The following STMN2 variants were observed in gnomAD, a reference collection of about 807,000 sequenced individuals.
STMN2 encodes stathmin 2.
STMN2 carries 2 observed loss-of-function variants against 24.1 expected under a neutral mutation model. The ratio of observed to expected loss-of-function variants is 0.08; its 90% confidence interval spans 0.03 to 0.26. STMN2 has a LOEUF of 0.26. STMN2 is among the 10% of genes least tolerant of loss of function. The pLI is 1.00. For synonymous variants in STMN2, 83 were observed against 77.5 expected, an observed-to-expected ratio of 1.07 and a Z score of -0.37; for missense variants, 114 against 213.6, an observed-to-expected ratio of 0.53 and a Z score of 2.91.
At chr8:79,641,623 T>TTC in intron 3 of STMN2, 73 bp downstream of exon 3, 12 of 521,012 alleles carry the variant, frequency 2.3e-5, no homozygotes, top group Non-Finnish European at 2.7e-5. Context: ...CGGGCACACA[T>TTC]GCACGCACAC....
chr8:79,637,824 C>T (rs1810001248), intron 2 of STMN2, among the ~76,000 whole-genome samples: 1 of 152,136 alleles, frequency 6.6e-6, no homozygotes, highest in African/African-American at 2.4e-5. Flanking sequence ...TAAAGAAAGA[C>T]ATTAATGACA....
chr8:79,624,453 CAAA>C (rs1011493193), intron 1 of STMN2, among the ~76,000 whole-genome samples: 96 of 45,096 alleles, frequency 2.1e-3, no homozygotes, highest in African/African-American at 5.7e-3. Flanking sequence ...GACTCCGTCT[CAAA>C]AAAAAAAAAA....
intron 1 of STMN2, among the ~76,000 whole-genome samples, chr8:79,629,709 C>A (rs1809753885): frequency 6.6e-6 from 1 of 152,140 alleles, no homozygotes; most frequent in Admixed American, 6.5e-5. Flanking sequence ...AGATATCATT[C>A]ATTTCCTAAG....
chr8:79,648,803 A>G (rs913454864), intron 3 of STMN2, among the ~76,000 whole-genome samples: 2 of 152,154 alleles, frequency 1.3e-5, no homozygotes, highest in East Asian at 1.9e-4. Context: ...ATCAAATTGC[A>G]TAGAAGAAAA....
intron 1 of STMN2, among the ~76,000 whole-genome samples, chr8:79,635,153 G>A (rs935916799): frequency 6.6e-5 from 10 of 152,274 alleles, no homozygotes; most frequent in Non-Finnish European, 1.2e-4. Context: ...AAGTTTACCA[G>A]GGCAGGAGGC....
intron 1 of STMN2, among the ~76,000 whole-genome samples, chr8:79,623,793 AT>A (rs1242424025): frequency 4.6e-5 from 7 of 152,138 alleles, no homozygotes; most frequent in Non-Finnish European, 8.8e-5. Context: ...AAAAAAAAAA[AT>A]AAACTCTAAT....
At chr8:79,644,920 C>T (rs1240972470) in intron 3 of STMN2, among the ~76,000 whole-genome samples, 5 of 152,006 alleles carry the variant, frequency 3.3e-5, no homozygotes, top group African/African-American at 7.3e-5. Flanking sequence ...TTTGGGACGC[C>T]GAGGCAGGTG....
chr8:79,612,609 T>C (rs1276371840), intron 1 of STMN2, among the ~76,000 whole-genome samples: 1 of 152,172 alleles, frequency 6.6e-6, no homozygotes, highest in Non-Finnish European at 1.5e-5. Context: ...CAATTGGTCT[T>C]GTGCCTTGAG....
At chr8:79,624,453 C>CAAAAAAAAAAAA (rs1011493193) in intron 1 of STMN2, among the ~76,000 whole-genome samples, 48 of 44,970 alleles carry the variant, frequency 1.1e-3, no homozygotes, top group Non-Finnish European at 1.2e-3. Flanking sequence ...GACTCCGTCT[C>CAAAAAAAAAAAA]AAAAAAAAAA....
At chr8:79,657,649 C>A (rs1381363529) in intron 4 of STMN2, among the ~76,000 whole-genome samples, 1 of 152,176 alleles carries the variant, frequency 6.6e-6, no homozygotes, top group African/African-American at 2.4e-5. Context: ...TATTTCATAG[C>A]TAATGAGGTG....
At chr8:79,663,207 A>G (rs1806536123) in intron 4 of STMN2, among the ~76,000 whole-genome samples, 2 of 152,178 alleles carry the variant, frequency 1.3e-5, no homozygotes, top group Admixed American at 1.3e-4. Context: ...ACACTTGAAA[A>G]GACACATTTT....
intron 1 of STMN2, 152 bp downstream of exon 1, chr8:79,611,366 G>A: frequency 9.6e-7 from 1 of 1,040,176 alleles, no homozygotes. Context: ...TTCTGGGGGA[G>A]GTGGGAGGGC....
At chr8:79,651,768 A>C (rs1410579675) in intron 3 of STMN2, among the ~76,000 whole-genome samples, 2 of 152,256 alleles carry the variant, frequency 1.3e-5, no homozygotes, top group African/African-American at 4.8e-5. Flanking sequence ...CTGTCTGAAG[A>C]GCAGCAGGCA....
intron 3 of STMN2, 40 bp downstream of exon 3, chr8:79,641,590 C>T (rs1410860518): frequency 6.4e-7 from 1 of 1,571,216 alleles, no homozygotes; most frequent in East Asian, 2.3e-5. Context: ...CTCTCCCTCC[C>T]CTGCTCCTCC....
intron 1 of STMN2, among the ~76,000 whole-genome samples, chr8:79,628,156 T>C (rs891736040): frequency 6.6e-6 from 1 of 151,988 alleles, no homozygotes; most frequent in Admixed American, 6.6e-5. Context: ...GTTTTATTTT[T>C]TTTTATTTTT....
At chr8:79,633,269 A>G (rs1440254050) in intron 1 of STMN2, among the ~76,000 whole-genome samples, 3 of 152,344 alleles carry the variant, frequency 2.0e-5, no homozygotes, top group Non-Finnish European at 4.4e-5. Flanking sequence ...CAACTCATCA[A>G]TGAGAATCTC....
At chr8:79,627,380 G>C (rs562766170) in intron 1 of STMN2, among the ~76,000 whole-genome samples, 247 of 152,196 alleles carry the variant, frequency 1.6e-3, no homozygotes, top group African/African-American at 5.3e-3. Flanking sequence ...AAGTCATATG[G>C]TATTTTCTGT....
At chr8:79,655,526 A>G (rs1563447795) in intron 4 of STMN2, among the ~76,000 whole-genome samples, 1 of 152,162 alleles carries the variant, frequency 6.6e-6, no homozygotes, top group Non-Finnish European at 1.5e-5. Flanking sequence ...AGGCCAGGGT[A>G]TTTATGAACA....
At chr8:79,656,884 G>T (rs551484020) in intron 4 of STMN2, among the ~76,000 whole-genome samples, 5 of 150,314 alleles carry the variant, frequency 3.3e-5, no homozygotes, top group Non-Finnish European at 7.5e-5. Context: ...TTGTTTGTTT[G>T]TTTTTTTGAG....
Sources: allele counts gnomAD v4.1 joint callset (sites outside exome capture counted in the v4.1 genomes callset), GRCh38; gene constraint gnomAD v4.1.1; transcripts MANE v1.5; gene names NCBI Gene and HGNC (gene_info 2026-07-23, HGNC 2026-07-21).